PRR15L: variants seen among roughly 807,000 people sequenced by gnomAD.
The protein encoded by PRR15L is proline-rich protein 15-like protein.
PRR15L carries 1 observed loss-of-function variant against 3.7 expected under a neutral mutation model. That is an observed-to-expected ratio of 0.27 (90% confidence interval 0.09 to 1.27). The LOEUF (loss-of-function observed/expected upper bound fraction) is 1.27. Ranked by LOEUF, PRR15L falls within the 50% of genes most tolerant of loss-of-function variation. The pLI is 0.47. For synonymous variants in PRR15L, 57 were observed against 51.9 expected (o/e 1.10, Z -0.42); for missense variants, 127 against 128.7 (o/e 0.99, Z 0.06).
intron 1 of PRR15L, among the ~76,000 whole-genome samples, chr17:47,954,388 C>T (rs547961651): frequency 2.0e-5 from 3 of 152,352 alleles, no homozygotes; most frequent in Non-Finnish European, 4.4e-5. Flanking sequence ...TTCCCTTTCC[C>T]CACCAAGCTT....
rs905720889 is a variant in PRR15L at position 47,952,076 on chromosome 17, G to A, written c.*847C>T. ...ATAAAAGAGGTTCTCTGCCTTTCCA[G>A]CGTTGTTATTACAGAGAGAAACCTA... On this transcript the variant is annotated 3_prime_UTR_variant, in exon 2 of 2. Transcript: ENST00000300557. 3 of 152,148 alleles carry A rather than the reference G, an allele frequency of 2.0e-5. No homozygotes were observed. The highest frequency in any genetic ancestry group is 7.2e-5 in the African/African-American group (3 of 41,414). 9.4% of individuals were successfully genotyped at this position (152,148 alleles called of 1,614,324 possible). A position where few individuals can be genotyped will look rare whatever the true frequency, so the allele number is the denominator to read the frequency against.
intron 1 of PRR15L, among the ~76,000 whole-genome samples, chr17:47,955,182 G>A (rs1259923509): frequency 2.0e-5 from 3 of 152,196 alleles, no homozygotes; most frequent in Middle Eastern, 3.4e-3. Context: ...ACCCACCTCG[G>A]CCTCCCAAAG....
At chr17:47,954,536 C>T (rs963678544) in intron 1 of PRR15L, among the ~76,000 whole-genome samples, 3 of 152,172 alleles carry the variant, frequency 2.0e-5, no homozygotes, top group African/African-American at 7.2e-5. Flanking sequence ...GGCTTCTCCA[C>T]TCACAGGCCA....
chr17:47,953,297 A>T, intron 1 of PRR15L, 34 bp from the exon 2 acceptor site: 11 of 1,318,132 alleles, frequency 8.3e-6, no homozygotes, highest in Non-Finnish European at 1.0e-5. Context: ...CAAAGGGGTC[A>T]GTGGGAAAAG....
rs142110724 is a variant in PRR15L, at chr17:47,953,092, T to C, written c.143A>G (p.Asn48Ser). The C allele has an allele frequency of 2.5e-5, 40 of 1,614,174 alleles. No homozygotes were observed. Among genetic ancestry groups the C allele is most frequent in the Middle Eastern group, 1.6e-4 (1 of 6,062 alleles). ...EPPRPDAGGP[N>S]SDFNTRLEKI... ...CTCCAGGCGGGTGTTAAAGTCGCTG[T>C]TGGGGCCTCCAGCGTCAGGCCTCGG... Residue 48 changes from asparagine (N) to serine (S), a missense_variant, in exon 2 of 2, where the codon AAC becomes AGC. Transcript: ENST00000300557.
Position 47,952,809 on chromosome 17 carries a change from T to C in PRR15L, c.*114A>G. ...AAAACAGCCATTTCCTGCCAGCAGGTATCAACTGGCCCCACAGCTTCAGCT... is the reference window on the plus strand; with the variant it reads ...AAAACAGCCATTTCCTGCCAGCAGGCATCAACTGGCCCCACAGCTTCAGCT... On this transcript the variant is annotated 3_prime_UTR_variant, in exon 2 of 2. Coordinates refer to ENST00000300557, the MANE Select transcript of PRR15L (RefSeq NM_024320.4). 8 of 1,067,342 alleles carry C rather than the reference T, an allele frequency of 7.5e-6. No individual in the cohort carries two copies. The South Asian group carries it at 1.3e-4, about 18-fold the overall frequency. The allele number at this position is 1,067,342 out of a possible 1,614,324, so 66.1% of individuals were successfully genotyped here. A position where few individuals can be genotyped will look rare whatever the true frequency, so the allele number is the denominator to read the frequency against.
intron 1 of PRR15L, among the ~76,000 whole-genome samples, chr17:47,953,954 C>A (rs61665404): frequency 0.36 from 54,406 of 152,126 alleles, 9,816 homozygotes; most frequent in East Asian, 0.54. Context: ...AGCATCCAGG[C>A]CTTTGATGCT....
chr17:47,957,496 G>A (rs2036142726), intron 1 of PRR15L, among the ~76,000 whole-genome samples, 161 bp downstream of exon 1: 1 of 152,242 alleles, frequency 6.6e-6, no homozygotes, highest in African/African-American at 2.4e-5. Flanking sequence ...TGGAGGCCTG[G>A]ATTGACTCCA....
chr17:47,953,302 GA>G, intron 1 of PRR15L, 39 bp from the exon 2 acceptor site: 1 of 1,300,344 alleles, frequency 7.7e-7, no homozygotes, highest in East Asian at 2.3e-5. Flanking sequence ...GGGTCAGTGG[GA>G]AAAGGGGGTG....
At chr17:47,954,041 G>A (rs1458441126) in intron 1 of PRR15L, among the ~76,000 whole-genome samples, 1 of 152,216 alleles carries the variant, frequency 6.6e-6, no homozygotes, top group Admixed American at 6.5e-5. Flanking sequence ...CATAGGGAGG[G>A]AAACACCCTG....
intron 1 of PRR15L, among the ~76,000 whole-genome samples, chr17:47,954,077 A>C (rs1174661669): frequency 3.3e-5 from 5 of 152,224 alleles, no homozygotes. Context: ...ATTCATTACA[A>C]AATTAAATAT....
In PRR15L at chr17:47,953,739, G is replaced by T. The variant is rs117449497; in HGVS notation, c.-29-476C>A. Among the ~76,000 whole-genome samples the T allele has an allele frequency of 6.2e-3, 948 of 152,268 alleles. 5 individuals carry two copies. Among genetic ancestry groups the T allele is most frequent in the Admixed American group, 9.2e-3 (141 of 15,290 alleles). The stretch of plus-strand genomic sequence containing the variant: ...AGGGCTGAATAAACCCAAGATTCAG[G>T]TCAGTGGGGTGACACAATGCTTTTG... On this transcript the variant is annotated intron_variant, in intron 1 of 1. Coordinates refer to ENST00000300557, the MANE Select transcript of PRR15L (RefSeq NM_024320.4).
chr17:47,953,864 AG>A (rs2036100189), intron 1 of PRR15L, among the ~76,000 whole-genome samples: 1 of 152,132 alleles, frequency 6.6e-6, no homozygotes, highest in African/African-American at 2.4e-5. Flanking sequence ...ATTGCCCTGC[AG>A]GGTTGTCAGG....
At chr17:47,956,491 A>C (rs571827861) in intron 1 of PRR15L, among the ~76,000 whole-genome samples, 19 of 152,268 alleles carry the variant, frequency 1.2e-4, no homozygotes, top group South Asian at 4.1e-4. Context: ...ACAACAACAA[A>C]AAAAGAGAAT....
rs1458690501 is a variant in PRR15L at position 47,953,019 on chromosome 17, G to T, written c.216C>A (p.Asn72Lys). ...TCTTCTTCTCCTTGAAGCGTCCTGA[G>T]TTGGAGACCTTGACGTGCTTGCCCT... Reference protein sequence around the residue: ...STKGKHVKVSNSGRFKEKKKV... With the variant: ...STKGKHVKVSKSGRFKEKKKV... The change falls in exon 2 of 2, where the codon AAC becomes AAA. Residue 72 changes from asparagine (N) to lysine (K), a missense_variant. By Grantham distance (94) the Asn-to-Lys change is moderately conservative. Transcript: ENST00000300557. 6.2e-7 allele frequency: 1 copy of T among 1,614,148 alleles called. No homozygotes were observed. Among genetic ancestry groups the T allele is most frequent in the Non-Finnish European group, 8.5e-7 (1 of 1,180,038 alleles).
At position 47,952,889 on chromosome 17, in the gene PRR15L, G is replaced by A. The variant is rs2036082965; in HGVS notation, c.*34C>T. On this transcript the variant is annotated 3_prime_UTR_variant, in exon 2 of 2. Coordinates refer to ENST00000300557, the MANE Select transcript of PRR15L (RefSeq NM_024320.4). ...CTGTCTCAGATCTGGCTGATGGCAG[G>A]GAGCCAAGAGGTGCTAGCACCCTCC... 1 of 1,569,048 alleles carries A rather than the reference G, an allele frequency of 6.4e-7. No homozygotes were observed. The highest frequency in any genetic ancestry group is 1.4e-5 in the African/African-American group (1 of 73,764).
chr17:47,955,986 G>A (rs2036124193), intron 1 of PRR15L, among the ~76,000 whole-genome samples: 1 of 152,242 alleles, frequency 6.6e-6, no homozygotes, highest in Non-Finnish European at 1.5e-5. Context: ...TGTTTTAACA[G>A]GTATTTCAAG....
rs1006184150 is a variant in PRR15L at position 47,952,077 on chromosome 17, C to T, written c.*846G>A. ...TAAAAGAGGTTCTCTGCCTTTCCAG[C>T]GTTGTTATTACAGAGAGAAACCTAC... On this transcript the variant is annotated 3_prime_UTR_variant, in exon 2 of 2. Transcript: ENST00000300557. The T allele has an allele frequency of 3.3e-5, 5 of 152,250 alleles. No homozygotes were observed. Among genetic ancestry groups the T allele is most frequent in the East Asian group, 1.9e-4 (1 of 5,192 alleles). The allele number at this position is 152,250 out of a possible 1,614,324, so 9.4% of individuals were successfully genotyped here. A position where few individuals can be genotyped will look rare whatever the true frequency, so the allele number is the denominator to read the frequency against.
At position 47,953,188 on chromosome 17, in the gene PRR15L, T is replaced by C. The variant is rs1852677032; in HGVS notation, c.47A>G (p.Lys16Arg). 2 of 1,598,640 alleles carry C rather than the reference T, an allele frequency of 1.3e-6. No individual in the cohort carries two copies. Among genetic ancestry groups the C allele is most frequent in the African/African-American group, 1.3e-5 (1 of 74,318 alleles). Residue 16 changes from lysine (K) to arginine (R), a missense_variant, in exon 2 of 2, where the codon AAG (lysine) becomes AGG (arginine). Physicochemically the swap from Lys to Arg is conservative, Grantham distance 26. Coordinates refer to ENST00000300557, the MANE Select transcript of PRR15L (RefSeq NM_024320.4). ...ATACAGCACTTTGGGAGTGGATTTCTTTTTCCGGAGGAAAGTCAGCTTCCA... is the reference window on the plus strand; with the variant it reads ...ATACAGCACTTTGGGAGTGGATTTCCTTTTCCGGAGGAAAGTCAGCTTCCA... ...GWWKLTFLRK[K>R]KSTPKVLYEI...
Sources: gnomAD v4.1 joint callset for allele counts (sites outside exome capture counted in the v4.1 genomes callset) on GRCh38, gnomAD v4.1.1 for gene constraint, MANE v1.5 for transcripts, NCBI Gene and HGNC (gene_info 2026-07-23, HGNC 2026-07-21) for gene names.